DDHD2: variants seen among roughly 807,000 people sequenced by gnomAD.
DDHD2 encodes DDHD domain containing 2.
In DDHD2, 62 loss-of-function variants were observed where a neutral mutation model predicts 91.2. That is an observed-to-expected ratio of 0.68 (90% CI 0.55 to 0.84). The LOEUF is 0.84. DDHD2 is among the 40% of genes least tolerant of loss of function. DDHD2 has a pLI of 0.00. For missense variants in DDHD2, 740 were observed against 846.9 expected (o/e 0.87, Z 1.57); for synonymous variants, 271 against 293.9 (o/e 0.92, Z 0.80).
chr8:38,234,633 T>A (rs564894062), intron 3 of DDHD2, 49 bp downstream of exon 3: 1 of 1,423,062 alleles, frequency 7.0e-7, no homozygotes, highest in African/African-American at 1.5e-5. Context: ...TCTTATTTAA[T>A]AATCTTTTCT....
At chr8:38,245,509 T>C (rs1805561285) in intron 7 of DDHD2, among the ~76,000 whole-genome samples, 1 of 152,212 alleles carries the variant, frequency 6.6e-6, no homozygotes. Flanking sequence ...TCTGTTGTTT[T>C]CTTGCAGTTT....
At chr8:38,268,862 G>A in intron 1 of DDHD2, 1 of 1,539,180 alleles carries the variant, frequency 6.5e-7, no homozygotes, top group Non-Finnish European at 8.7e-7. Flanking sequence ...AGGGAGGAAA[G>A]ACGATCTTTC....
downstream of DDHD2, chr8:38,266,179 G>GACTA: frequency 1.2e-6 from 2 of 1,614,068 alleles, no homozygotes. Flanking sequence ...GCGGGACAGT[G>GACTA]CAATCACAGC....
intron 6 of DDHD2, 184 bp from the exon 7 acceptor site, chr8:38,242,065 GT>G: frequency 1.9e-6 from 1 of 534,836 alleles, no homozygotes; most frequent in Non-Finnish European, 3.2e-6. Flanking sequence ...AAAAAAAAAA[GT>G]TATTAAAGAA....
chr8:38,246,407 A>G lies in DDHD2; in HGVS notation c.1125+107A>G, dbSNP rs535666954. ...GCTGAGTTTAGTTTCATGTCATGAC[A>G]TTACATTTACACTTATTTTCATTTT... On this transcript the variant is annotated intron_variant, in intron 9 of 17. Coordinates refer to ENST00000397166, the MANE Select transcript of DDHD2 (RefSeq NM_015214.3). The G allele has an allele frequency of 1.0e-4, 78 of 747,502 alleles. No individual in the cohort carries two copies. In the African/African-American group the frequency reaches 1.3e-3, roughly 12 times the overall value. The allele number at this position is 747,502 out of a possible 1,614,324, so 46.3% of individuals were successfully genotyped here.
At chr8:38,263,967 A>G (rs1807231044), downstream of DDHD2, 2 of 985,572 alleles carry the variant, frequency 2.0e-6, no homozygotes, top group Non-Finnish European at 2.4e-6. Flanking sequence ...GTAGTGGAAA[A>G]GAACCGTAAC....
intron 10 of DDHD2, 21 bp downstream of exon 10, chr8:38,247,856 CTT>C (rs778418572): frequency 6.5e-7 from 1 of 1,537,568 alleles, no homozygotes; most frequent in Non-Finnish European, 8.7e-7. Context: ...TCTTTTAAAA[CTT>C]TATGCCAAGC....
intron 1 of DDHD2, chr8:38,270,939 T>C (rs1334749879): frequency 6.6e-6 from 1 of 152,246 alleles, no homozygotes; most frequent in Non-Finnish European, 1.5e-5. Flanking sequence ...AGAAATGTTT[T>C]TTGAAAGACA....
intron 9 of DDHD2, chr8:38,247,133 CTTTTTTTTTT>C (rs777642736): frequency 7.5e-6 from 1 of 133,816 alleles, no homozygotes; most frequent in Non-Finnish European, 1.6e-5. Context: ...TTTTTTCTTT[CTTTTTTTTTT>C]TTTTTTTGAG....
In DDHD2 at chr8:38,261,544, A is replaced by C. The variant is rs1248429234; in HGVS notation, c.*971A>C. ...TATCCTCTTTCCTTCTTAGGTATCC[A>C]TAATCCACAAAGCATATTTAAAAGG... On this transcript the variant is annotated 3_prime_UTR_variant, in exon 18 of 18. Coordinates refer to ENST00000397166, the MANE Select transcript of DDHD2 (RefSeq NM_015214.3). The C allele has an allele frequency of 6.6e-6, 1 of 152,168 alleles. No homozygotes were observed. The highest frequency in any genetic ancestry group is 1.5e-5 in the Non-Finnish European group (1 of 68,048). 9.4% of individuals were successfully genotyped at this position (152,168 alleles called of 1,614,324 possible).
intron 1 of DDHD2, chr8:38,268,186 G>C: frequency 8.6e-7 from 1 of 1,168,850 alleles, no homozygotes; most frequent in South Asian, 1.6e-5. Context: ...TTAGGCACAG[G>C]GCTGCCTGCC....
rs1006754375 is a variant in DDHD2 at position 38,231,772 on chromosome 8, G to T, written c.-96G>T. 6.6e-6 allele frequency: 1 copy of T among 152,162 alleles called. No homozygotes were observed. The highest frequency in any genetic ancestry group is 2.4e-5 in the African/African-American group (1 of 41,448). 9.4% of individuals were successfully genotyped at this position (152,162 alleles called of 1,614,324 possible). A position where few individuals can be genotyped will look rare whatever the true frequency, so the allele number is the denominator to read the frequency against. ...GTTCCGCCCTGCTCCGCCGCGCCCC[G>T]CCCGGGCTGGGGTAAAGGCCGCGGC... On this transcript the variant is annotated 5_prime_UTR_variant, in exon 1 of 18. Transcript: ENST00000397166.
At chr8:38,262,990 T>A (rs960190916), downstream of DDHD2, 1 of 152,240 alleles carries the variant, frequency 6.6e-6, no homozygotes, top group Non-Finnish European at 1.5e-5. Context: ...GACTTTCCTT[T>A]GGTATTTATA....
At chr8:38,264,712 A>G, downstream of DDHD2, 2 of 1,435,994 alleles carry the variant, frequency 1.4e-6, no homozygotes, top group Non-Finnish European at 1.8e-6. Context: ...CTGTGGGGCT[A>G]AAATAACCTC....
chr8:38,272,109 G>A (rs1392036711), downstream of DDHD2: 1 of 152,200 alleles, frequency 6.6e-6, no homozygotes, highest in Non-Finnish European at 1.5e-5. Flanking sequence ...TACATGATTA[G>A]ATACTCAATA....
In DDHD2 at chr8:38,252,782, A is replaced by G. The variant is rs773731319; in HGVS notation, c.1678A>G (p.Met560Val). Residue 560 changes from methionine (M) to valine (V), a missense_variant, in exon 14 of 18, where the codon ATG (methionine) becomes GTG (valine). Met to Val is a conservative substitution (Grantham distance 21, BLOSUM62 1). Coordinates refer to ENST00000397166, the MANE Select transcript of DDHD2 (RefSeq NM_015214.3). ...MVVPGVEFEP[M>V]LIPHHKGRKR... ...GGTCCCAGGAGTGGAATTTGAGCCA[A>G]TGCTGATCCCACATCATAAAGGCAG... is the stretch of plus-strand genomic sequence containing the variant. The G allele has an allele frequency of 8.1e-6, 13 of 1,613,996 alleles. No individual in the cohort carries two copies. Among genetic ancestry groups the G allele is most frequent in the Middle Eastern group, 1.6e-4 (1 of 6,084 alleles).
intron 8 of DDHD2, 41 bp from the exon 9 acceptor site, chr8:38,246,192 C>A (rs1805622223): frequency 1.4e-6 from 2 of 1,436,214 alleles, no homozygotes; most frequent in African/African-American, 1.4e-5. Context: ...CCATTTAGTG[C>A]TAATGCTTAG....
chr8:38,239,628 A>G, intron 5 of DDHD2, among the ~76,000 whole-genome samples: 1 of 144,040 alleles, frequency 6.9e-6, no homozygotes, highest in East Asian at 2.2e-4. Context: ...CAGAGGTTGC[A>G]GTGAGCCAAG....
In DDHD2 at chr8:38,240,381, T is replaced by C; in HGVS notation, c.712+17T>C. 1.3e-6 allele frequency: 2 copies of C among 1,556,342 alleles called. No individual in the cohort carries two copies. The highest frequency in any genetic ancestry group is 1.8e-6 in the Non-Finnish European group (2 of 1,132,822). On this transcript the variant is annotated intron_variant, in intron 6 of 17. Coordinates refer to ENST00000397166, the MANE Select transcript of DDHD2 (RefSeq NM_015214.3). The stretch of plus-strand genomic sequence containing the variant: ...TACAGTGTGGTAGGTTTGCAAAGCA[T>C]GTGAGAGAATATTAATCAGTGCTCT...
Sources: gnomAD v4.1 joint callset for allele counts (sites outside exome capture counted in the v4.1 genomes callset) on GRCh38, gnomAD v4.1.1 for gene constraint, MANE v1.5 for transcripts, NCBI Gene and HGNC (gene_info 2026-07-23, HGNC 2026-07-21) for gene names.